The following SNRPA1 variants were observed in gnomAD, a reference collection of about 807,000 sequenced individuals.
The protein encoded by SNRPA1 is small nuclear ribonucleoprotein polypeptide A', also known as U2 small nuclear ribonucleoprotein A'.
SNRPA1 carries 5 observed loss-of-function variants against 32.3 expected under a neutral mutation model. That is an observed-to-expected ratio of 0.15 (90% confidence interval 0.08 to 0.33). The LOEUF (loss-of-function observed/expected upper bound fraction) is 0.33. SNRPA1 is among the 10% of genes least tolerant of loss of function. SNRPA1 has a pLI of 1.00. For missense variants in SNRPA1, 198 were observed against 311.1 expected (o/e 0.64, Z 2.74); for synonymous variants, 111 against 120.1 (o/e 0.92, Z 0.50).
Position 101,292,055 on chromosome 15 carries a change from G to C in SNRPA1, c.231-15C>G. 7 of 1,576,182 alleles carry C rather than the reference G, an allele frequency of 4.4e-6. No homozygotes were observed. The highest frequency in any genetic ancestry group is 6.1e-6 in the Non-Finnish European group (7 of 1,146,052). On this transcript the variant is annotated splice_polypyrimidine_tract_variant and intron_variant, in intron 2 of 8. Coordinates refer to ENST00000254193, the MANE Select transcript of SNRPA1 (RefSeq NM_003090.4). The stretch of plus-strand genomic sequence containing the variant: ...CACCTATACGGCTAAAATAAAAATA[G>C]AGTCTTAGTAAAAGTGAAAATTAAA...
chr15:101,293,692 G>T (rs1446036427), intron 1 of SNRPA1, among the ~76,000 whole-genome samples: 2 of 152,132 alleles, frequency 1.3e-5, no homozygotes, highest in African/African-American at 4.8e-5. Context: ...ATTCAGAATT[G>T]AAGATCAATG....
In SNRPA1 at chr15:101,291,977, A is replaced by G; in HGVS notation, c.294T>C (p.Asn98=). 6.2e-7 allele frequency: 1 copy of G among 1,611,208 alleles called. No homozygotes were observed. The highest frequency in any genetic ancestry group is 1.1e-5 in the South Asian group (1 of 90,988). Residue 98 remains asparagine (N), a synonymous_variant, in exon 3 of 9, where the codon AAT becomes AAC. Transcript: ENST00000254193. ...PCLTELILTN[N]SLVELGDLDP... is the part of the protein sequence containing the mutation. ...TGCAACTTACCAGTTCCACGAGACT[A>G]TTATTGGTGAGAATGAGTTCTGTCA...
chr15:101,294,133 G>A (rs976252731), intron 1 of SNRPA1, among the ~76,000 whole-genome samples: 3 of 152,214 alleles, frequency 2.0e-5, no homozygotes, highest in African/African-American at 7.2e-5. Context: ...TACTCGGGAG[G>A]CTTGAGACAC....
Position 101,285,775 on chromosome 15 carries a change from G to C in SNRPA1, c.566C>G (p.Thr189Ser). The C allele has an allele frequency of 4.3e-6, 7 of 1,613,692 alleles. No homozygotes were observed. The highest frequency in any genetic ancestry group is 5.1e-6 in the Non-Finnish European group (6 of 1,179,768). The change falls in exon 7 of 9, where the codon ACT (threonine) becomes AGT (serine). Residue 189 changes from threonine to serine, a missense_variant. Physicochemically the swap from Thr to Ser is moderately conservative, Grantham distance 58. This residue lies in a region of SNRPA1 where 77 missense variants were observed against 120.1 expected (regional missense o/e 0.64). Transcript: ENST00000254193. Reference protein sequence around the residue: ...KTFNPGAGLPTDKKKGGPSPG... With the variant: ...KTFNPGAGLPSDKKKGGPSPG... ...AGATGGCCCACCTTTCTTTTTGTCA[G>C]TTGGCAAACCAGCACCTGGATTAAA...
intron 5 of SNRPA1, 45 bp downstream of exon 5, chr15:101,286,863 A>G: frequency 1.0e-6 from 1 of 971,542 alleles, no homozygotes; most frequent in Non-Finnish European, 1.6e-6. Flanking sequence ...ATAAAGAAAA[A>G]CACACAACTC....
rs1474091788 is a variant in SNRPA1 at position 101,285,740 on chromosome 15, C to T, written c.601G>A (p.Val201Ile). ...CACATGATTACCTTGATTGCTTCTA[C>T]ATCCCCTGGAGATGGCCCACCTTTC... ...KKKGGPSPGD[V>I]EAIKNAIANA... Residue 201 changes from valine to isoleucine, a missense_variant, in exon 7 of 9, where the codon GTA becomes ATA. Physicochemically the swap from Val to Ile is conservative, Grantham distance 29 (BLOSUM62 3). This residue lies in a region of SNRPA1 where 77 missense variants were observed against 120.1 expected (regional missense o/e 0.64). Transcript: ENST00000254193. 1.2e-6 allele frequency: 2 copies of T among 1,613,184 alleles called. No homozygotes were observed. Among genetic ancestry groups the T allele is most frequent in the Non-Finnish European group, 1.7e-6 (2 of 1,179,120 alleles).
chr15:101,281,698 CTAT>C lies in SNRPA1; in HGVS notation c.*23_*25del, dbSNP rs753682647. The C allele has an allele frequency of 9.7e-6, 15 of 1,553,056 alleles. No homozygotes were observed. The Admixed American group carries it at 2.0e-4, about 21-fold the overall frequency. Reference sequence around the variant, plus strand: ...AAAGCAAGACTTGTTCCAAGAGGGCCTATTATTATACATCTGCCTCACTGCTCA... The same window carrying C: ...AAAGCAAGACTTGTTCCAAGAGGGCCTATTATACATCTGCCTCACTGCTCA... On this transcript the variant is annotated 3_prime_UTR_variant, in exon 9 of 9. Coordinates refer to ENST00000254193, the MANE Select transcript of SNRPA1 (RefSeq NM_003090.4).
intron 3 of SNRPA1, 58 bp from the exon 4 acceptor site, chr15:101,287,760 G>T: frequency 6.7e-7 from 1 of 1,483,252 alleles, no homozygotes; most frequent in South Asian, 1.1e-5. Flanking sequence ...TTGAGATTCT[G>T]AAATGGAGAG....
At chr15:101,286,338 C>T (rs977285563) in intron 5 of SNRPA1, 45 bp from the exon 6 acceptor site, 34 of 1,559,438 alleles carry the variant, frequency 2.2e-5, no homozygotes, top group Non-Finnish European at 2.9e-5. Flanking sequence ...AGGAATACCA[C>T]ATGCATTTAG....
chr15:101,282,869 A>C (rs1188027171), intron 8 of SNRPA1, among the ~76,000 whole-genome samples: 2 of 152,186 alleles, frequency 1.3e-5, no homozygotes, highest in African/African-American at 2.4e-5. Flanking sequence ...TTGAATTTTC[A>C]ATTGTTTTCC....
chr15:101,288,652 T>C (rs1235567684), intron 3 of SNRPA1, among the ~76,000 whole-genome samples: 1 of 152,164 alleles, frequency 6.6e-6, no homozygotes, highest in Non-Finnish European at 1.5e-5. Flanking sequence ...CCAAGCTAGA[T>C]GGCAAGGCAT....
intron 3 of SNRPA1, among the ~76,000 whole-genome samples, chr15:101,288,850 G>T (rs932254925): frequency 2.0e-5 from 3 of 152,214 alleles, no homozygotes; most frequent in African/African-American, 4.8e-5. Context: ...GACTACAGGG[G>T]TCTGTGATAA....
rs371950843 is a variant in SNRPA1 at position 101,284,238 on chromosome 15, G to A, written c.709+729C>T. Among the ~76,000 whole-genome samples, 6 of 152,280 alleles carry A rather than the reference G, an allele frequency of 3.9e-5. No individual in the cohort carries two copies. In the East Asian group the frequency reaches 9.6e-4, roughly 24 times the overall value. On this transcript the variant is annotated intron_variant, in intron 8 of 8. Coordinates refer to ENST00000254193, the MANE Select transcript of SNRPA1 (RefSeq NM_003090.4). ...CAACCTTTTGAGGTTTGCTACTATT[G>A]TTATCTCAGATTTAAAGATGAGGAA...
chr15:101,289,129 C>A (rs1289146819), intron 3 of SNRPA1, among the ~76,000 whole-genome samples: 2 of 152,150 alleles, frequency 1.3e-5, no homozygotes, highest in African/African-American at 4.8e-5. Flanking sequence ...TACTGTTTTA[C>A]CCCCACTGAA....
rs751417362 is a variant in SNRPA1 at position 101,293,192 on chromosome 15, A to G, written c.83-20T>C. On this transcript the variant is annotated intron_variant, in intron 1 of 8. Transcript: ENST00000254193. ...TATACCCTATAAAATGGAGGAAAAAAACACAAGAGGTATTAATATAACTAA... is the reference window on the plus strand; with the variant it reads ...TATACCCTATAAAATGGAGGAAAAAGACACAAGAGGTATTAATATAACTAA... The G allele has an allele frequency of 6.4e-6, 10 of 1,567,826 alleles. No homozygotes were observed. Among genetic ancestry groups the G allele is most frequent in the Non-Finnish European group, 8.7e-6 (10 of 1,146,802 alleles).
At chr15:101,282,638 C>A (rs1318042870) in intron 8 of SNRPA1, among the ~76,000 whole-genome samples, 1 of 152,232 alleles carries the variant, frequency 6.6e-6, no homozygotes, top group Middle Eastern at 3.4e-3. Context: ...ATCTTTTACC[C>A]GTACATGATT....
chr15:101,286,085 A>C, intron 6 of SNRPA1, 129 bp downstream of exon 6: 1 of 756,198 alleles, frequency 1.3e-6, no homozygotes, highest in Non-Finnish European at 2.2e-6. Context: ...ATGGACTATA[A>C]GCACTCAAAT....
chr15:101,288,629 T>C (rs755765924), intron 3 of SNRPA1, among the ~76,000 whole-genome samples: 30 of 152,146 alleles, frequency 2.0e-4, no homozygotes, highest in South Asian at 8.3e-4. Flanking sequence ...AAACCTATGG[T>C]TACCAGCTAC....
At chr15:101,295,065 T>G in intron 1 of SNRPA1, 32 bp downstream of exon 1, 1 of 1,388,676 alleles carries the variant, frequency 7.2e-7, no homozygotes, top group South Asian at 1.4e-5. Context: ...CGGTGCCGCC[T>G]GGGGACTGGC....
Sources: allele counts gnomAD v4.1 joint callset (sites outside exome capture counted in the v4.1 genomes callset), GRCh38; gene constraint gnomAD v4.1.1; regional missense constraint gnomAD v4.1.1; transcripts MANE v1.5; gene names NCBI Gene and HGNC (gene_info 2026-07-23, HGNC 2026-07-21).